Variants in MYO15A observed in about 807,000 individuals in gnomAD.
MYO15A encodes the protein unconventional myosin-XV.
Under a neutral mutation model 394.6 loss-of-function variants are expected in MYO15A, and 308 were observed. The ratio of observed to expected loss-of-function variants is 0.78; its 90% CI spans 0.71 to 0.86. The LOEUF is 0.86. Ranked by LOEUF, MYO15A falls within the 40% of genes least tolerant of loss-of-function variation. MYO15A has a pLI of 0.00. For missense variants in MYO15A, 4,606 were observed against 4,799.1 expected (o/e 0.96, Z 1.19); for synonymous variants, 1,957 against 2,003.8 (o/e 0.98, Z 0.62).
rs930579822 is a variant in MYO15A at position 18,151,999 on chromosome 17, A to G, written c.7893+48A>G. 8 of 1,542,140 alleles carry G rather than the reference A, an allele frequency of 5.2e-6. No individual in the cohort carries two copies. In the African/African-American group the frequency reaches 1.1e-4, roughly 21 times the overall value. ...AGCCCAGGTGGAACAGAAGACAAAG[A>G]GGGGCCTCAGGGATCCTCAGAAACC... On this transcript the variant is annotated intron_variant, in intron 41 of 65. Transcript: ENST00000647165.
intron 48 of MYO15A, 92 bp downstream of exon 48, chr17:18,156,428 G>T: frequency 6.9e-7 from 1 of 1,440,586 alleles, no homozygotes. Flanking sequence ...TGTGTCCATA[G>T]ATTTCTGTCT....
intron 6 of MYO15A, 93 bp from the exon 7 acceptor site, chr17:18,126,982 C>T (rs1466407075): frequency 6.3e-7 from 1 of 1,596,828 alleles, no homozygotes; most frequent in Non-Finnish European, 8.6e-7. Flanking sequence ...GGTTGGCCCA[C>T]CGTACATATC....
chr17:18,158,301 C>G, intron 51 of MYO15A: 1 of 578,728 alleles, frequency 1.7e-6, no homozygotes, highest in East Asian at 2.9e-5. Flanking sequence ...CGGGCAAGGG[C>G]GTGGCCAAGT....
At chr17:18,157,650 T>G in intron 50 of MYO15A, 72 bp from the exon 51 acceptor site, 5 of 1,593,078 alleles carry the variant, frequency 3.1e-6, no homozygotes, top group Non-Finnish European at 3.4e-6. Context: ...TGTTCCCAAA[T>G]CTCCCTAAAG....
At position 18,131,251 on chromosome 17, in the gene MYO15A, A is replaced by G. The variant is rs557910998; in HGVS notation, c.4051A>G (p.Thr1351Ala). The G allele has an allele frequency of 1.9e-6, 3 of 1,613,982 alleles. No homozygotes were observed. Among genetic ancestry groups the G allele is most frequent in the African/African-American group, 2.7e-5 (2 of 74,992 alleles). The change falls in exon 9 of 66, where the codon ACA (threonine) becomes GCA (alanine). Residue 1351 changes from threonine to alanine, a missense_variant. Physicochemically the swap from Thr to Ala is moderately conservative, Grantham distance 58 (BLOSUM62 0). This residue lies in a region of MYO15A where 2,776 missense variants were observed against 3,109.3 expected (regional missense o/e 0.89). Transcript: ENST00000647165. The stretch of plus-strand genomic sequence containing the variant: ...TTCTGGAGTCCAGATCCTGGAGGCA[A>G]CACCCCTCTTGGAGTCCTTCGGTAA... ...VMQQIKILEA[T>A]PLLESFGNAK...
rs2045878886 is a variant in MYO15A at position 18,119,967 on chromosome 17, C to A, written c.1167C>A (p.Asp389Glu). 2.5e-6 allele frequency: 4 copies of A among 1,613,524 alleles called. No individual in the cohort carries two copies. The South Asian group carries it at 4.4e-5, about 18-fold the overall frequency. Residue 389 changes from aspartate to glutamate, a missense_variant, in exon 2 of 66, where the codon GAC becomes GAA. By Grantham distance (45) the Asp-to-Glu change is conservative. Transcript: ENST00000647165. ...CCGAAGGCGTCTATGGCGGTGGGGA[C>A]GAGGCCATCTACCCCCCCGAGGTGC... Reference protein sequence around the residue: ...PYAEGVYGGGDEAIYPPEVPY... With the variant: ...PYAEGVYGGGEEAIYPPEVPY...
At chr17:18,158,409 T>C in intron 51 of MYO15A, 114 bp from the exon 52 acceptor site, 1 of 695,914 alleles carries the variant, frequency 1.4e-6, no homozygotes, top group Non-Finnish European at 2.2e-6. Flanking sequence ...GATGGGTGGG[T>C]GGGCGGCTTG....
Position 18,122,521 on chromosome 17 carries a change from G to T in MYO15A, c.3609+112G>T, listed in dbSNP as rs562242990. The T allele has an allele frequency of 9.0e-6, 13 of 1,451,234 alleles. No individual in the cohort carries two copies. In the East Asian group the frequency reaches 2.9e-4, roughly 32 times the overall value. The allele number at this position is 1,451,234 out of a possible 1,614,324, so 89.9% of individuals were successfully genotyped here. On this transcript the variant is annotated intron_variant, in intron 2 of 65. Transcript: ENST00000647165. ...CCTTGGAGAGAGGCTGCTTGCTGGGGCCTCAGTCTCTGGGTCTGTAAGTTG... is the reference window on the plus strand; with the variant it reads ...CCTTGGAGAGAGGCTGCTTGCTGGGTCCTCAGTCTCTGGGTCTGTAAGTTG...
rs774312110 is a variant in MYO15A, at chr17:18,157,877, C to T, written c.8944C>T (p.Gln2982Ter). The change falls in exon 51 of 66, where the codon CAG becomes TAG. Residue 2982 changes from glutamine (Q) to a stop codon, truncating the protein, a stop_gained. Transcript: ENST00000647165. LOFTEE classifies it high-confidence loss of function. ...TGCTGTGGCCTCTGCAGCCGCTGCA[C>T]AGGAGGTGGGCCGCAGGAGAGAGGT... The part of the protein sequence containing the change: ...AAAVASAAAA[Q>*]EVGRRREGPP... The T allele has an allele frequency of 2.7e-5, 34 of 1,268,746 alleles. No homozygotes were observed. The highest frequency in any genetic ancestry group is 3.4e-5 in the Non-Finnish European group (34 of 986,040). 78.6% of individuals were successfully genotyped at this position (1,268,746 alleles called of 1,614,324 possible). A position where few individuals can be genotyped will look rare whatever the true frequency, so the allele number is the denominator to read the frequency against.
At chr17:18,130,720 C>T in intron 7 of MYO15A, 85 bp from the exon 8 acceptor site, 1 of 1,608,594 alleles carries the variant, frequency 6.2e-7, no homozygotes, top group Non-Finnish European at 8.5e-7. Flanking sequence ...TCCTAGTCTC[C>T]TGGAGAGAGT....
chr17:18,151,926 AC>A lies in MYO15A; in HGVS notation c.7870del (p.Leu2624TrpfsTer17). 1 of 1,564,588 alleles carries A rather than the reference AC, an allele frequency of 6.4e-7. No homozygotes were observed. ...ALMILKGQMT[H>X]LAAAPGTQVS... is the part of the protein sequence containing the mutation. ...ATGATCCTGAAAGGGCAGATGACCC[AC>A]CTGGCAGCTGCACCTGGCACCCAGG... On this transcript the variant is annotated frameshift_variant, in exon 41 of 66. Coordinates refer to ENST00000647165, the MANE Select transcript of MYO15A (RefSeq NM_016239.4). LOFTEE classifies it high-confidence loss of function.
intron 24 of MYO15A, 38 bp downstream of exon 24, chr17:18,142,292 T>C (rs1315437941): frequency 6.3e-7 from 1 of 1,599,122 alleles, no homozygotes; most frequent in Non-Finnish European, 8.5e-7. Context: ...AGGAGACCTA[T>C]GGTCAGGCTC....
intron 48 of MYO15A, 67 bp from the exon 49 acceptor site, chr17:18,156,887 G>A (rs1401809653): frequency 1.5e-6 from 2 of 1,351,816 alleles, no homozygotes; most frequent in East Asian, 2.3e-5. Flanking sequence ...AGGAGCAGGG[G>A]TGGCCCTAGG....
chr17:18,162,454 A>G, intron 57 of MYO15A, 131 bp from the exon 58 acceptor site: 2 of 788,622 alleles, frequency 2.5e-6, no homozygotes, highest in Non-Finnish European at 4.3e-6. Context: ...TCAACTGTCA[A>G]ATGGGGGAGT....
Position 18,150,806 on chromosome 17 carries a change from T to C in MYO15A, c.7396-30T>C, listed in dbSNP as rs532160456. Reference sequence around the variant, plus strand: ...ACTGCTGGGGGGTGGAGAATGGACCTGCCTGGTCACCACTGCCACCTCTCC... The same window carrying C: ...ACTGCTGGGGGGTGGAGAATGGACCCGCCTGGTCACCACTGCCACCTCTCC... On this transcript the variant is annotated intron_variant, in intron 37 of 65. Transcript: ENST00000647165. This position sits in a 1 kb window ranked among gnomAD's most constrained non-coding sequence, Gnocchi z 4.4. 3.2e-6 allele frequency: 5 copies of C among 1,585,790 alleles called. No homozygotes were observed. The South Asian group carries it at 3.4e-5, about 11-fold the overall frequency.
At chr17:18,130,735 G>C in intron 7 of MYO15A, 70 bp from the exon 8 acceptor site, 1 of 1,611,180 alleles carries the variant, frequency 6.2e-7, no homozygotes, top group Non-Finnish European at 8.5e-7. Context: ...GAGAGTGGTG[G>C]TCGGTCCTGC....
chr17:18,122,182 C>T lies in MYO15A; in HGVS notation c.3382C>T (p.Gln1128Ter). ...MPRVQKLSSF[Q>*]RVGPATLKPQ... ...TCGTGTGCAGAAGCTGAGCTCTTTCCAGCGAGTTGGGCCTGCAACCCTGAA... is the reference window on the plus strand; with the variant it reads ...TCGTGTGCAGAAGCTGAGCTCTTTCTAGCGAGTTGGGCCTGCAACCCTGAA... The change falls in exon 2 of 66, where the codon CAG becomes TAG. Residue 1128 changes from glutamine to a stop codon, truncating the protein, a stop_gained. Coordinates refer to ENST00000647165, the MANE Select transcript of MYO15A (RefSeq NM_016239.4). LOFTEE classifies it high-confidence loss of function. 2 of 1,613,130 alleles carry T rather than the reference C, an allele frequency of 1.2e-6. No individual in the cohort carries two copies. Among genetic ancestry groups the T allele is most frequent in the Non-Finnish European group, 1.7e-6 (2 of 1,180,010 alleles).
At chr17:18,154,566 C>T in intron 44 of MYO15A, 114 bp from the exon 45 acceptor site, 2 of 1,049,912 alleles carry the variant, frequency 1.9e-6, no homozygotes, top group Non-Finnish European at 2.9e-6. Flanking sequence ...ACAGATGACC[C>T]CACTGCTGCA....
chr17:18,157,054 C>T lies in MYO15A; in HGVS notation c.8702C>T (p.Pro2901Leu). Residue 2901 changes from proline (P) to leucine (L), a missense_variant, in exon 49 of 66, where the codon CCA becomes CTA. By Grantham distance (98) the Pro-to-Leu change is moderately conservative. Around this residue, in one of 2 missense-constraint regions of MYO15A, gnomAD observed 2,776 missense variants for 3,109.3 expected, o/e 0.89. Coordinates refer to ENST00000647165, the MANE Select transcript of MYO15A (RefSeq NM_016239.4). ...ATCATACACCTGCAGCCCCTAGAGC[C>T]ACCTCGAGTGGGTCAGTGCCACTGG... ...GDIIHLQPLEPPRVGYSAGCV... is the reference protein window; with the variant it reads ...GDIIHLQPLELPRVGYSAGCV... 6.2e-7 allele frequency: 1 copy of T among 1,614,090 alleles called. No individual in the cohort carries two copies. Among genetic ancestry groups the T allele is most frequent in the Non-Finnish European group, 8.5e-7 (1 of 1,180,018 alleles).
Sources: gnomAD v4.1 joint callset for allele counts on GRCh38, gnomAD v4.1.1 for gene constraint, gnomAD v4.1.1 regional missense constraint, Gnocchi (gnomAD v3.1) non-coding constraint, MANE v1.5 for transcripts, NCBI Gene and HGNC (gene_info 2026-07-23, HGNC 2026-07-21) for gene names.